Variants in WWOX observed in about 807,000 individuals in gnomAD.
WWOX encodes WW domain containing oxidoreductase.
Under a neutral mutation model 46.2 loss-of-function variants are expected in WWOX, and 69 were observed. The observed-to-expected ratio is 1.49, with a 90% CI of 1.23 to 1.82. The LOEUF is 1.82. Among genes scored for constraint, WWOX ranks in the 40% most tolerant of loss-of-function variants. The probability of loss-of-function intolerance (pLI) is 0.00; values close to 1 mark genes in which losing one functional copy is unlikely to be tolerated. For missense variants in WWOX, 919 were observed against 542.6 expected (o/e 1.69, Z -6.89); for synonymous variants, 359 against 202.6 (o/e 1.77, Z -6.56).
At chr16:78,749,212 A>G (rs1308741763) in intron 8 of WWOX, among the ~76,000 whole-genome samples, 1 of 152,168 alleles carries the variant, frequency 6.6e-6, no homozygotes, top group Non-Finnish European at 1.5e-5. Context: ...CATCACACAC[A>G]GACTACTGTT....
intron 8 of WWOX, among the ~76,000 whole-genome samples, chr16:78,885,415 T>G (rs1354897174): frequency 6.6e-6 from 1 of 152,242 alleles, no homozygotes; most frequent in Non-Finnish European, 1.5e-5. Flanking sequence ...TTAATATTGA[T>G]TTGTTAGAAA....
chr16:78,444,722 A>G (rs1416960192), intron 8 of WWOX, among the ~76,000 whole-genome samples: 4 of 151,724 alleles, frequency 2.6e-5, no homozygotes, highest in African/African-American at 4.8e-5. Context: ...AGTAGAGACG[A>G]GGTTTCACGG....
intron 8 of WWOX, among the ~76,000 whole-genome samples, chr16:79,015,685 C>G (rs1462997388): frequency 6.6e-6 from 1 of 152,158 alleles, no homozygotes; most frequent in Admixed American, 6.5e-5. Context: ...TTTTCTCCTT[C>G]TCTTATTAGT....
At chr16:78,113,239 A>C (rs2032595273) in intron 3 of WWOX, among the ~76,000 whole-genome samples, 1 of 152,164 alleles carries the variant, frequency 6.6e-6, no homozygotes, top group Non-Finnish European at 1.5e-5. Flanking sequence ...TGGGGCTTGC[A>C]ATCTGCGCTC....
At chr16:78,643,060 T>G (rs182637322) in intron 8 of WWOX, among the ~76,000 whole-genome samples, 31 of 152,276 alleles carry the variant, frequency 2.0e-4, no homozygotes, top group African/African-American at 6.0e-4. Context: ...CTGCTGCTGT[T>G]AACCCCAACT....
At chr16:78,326,501 C>T (rs1326401336) in intron 5 of WWOX, among the ~76,000 whole-genome samples, 4 of 147,200 alleles carry the variant, frequency 2.7e-5, no homozygotes, top group Admixed American at 6.8e-5. Flanking sequence ...AAAATGCCAG[C>T]ATCACTGTTA....
intron 8 of WWOX, among the ~76,000 whole-genome samples, chr16:79,128,738 T>C: frequency 6.6e-6 from 1 of 152,174 alleles, no homozygotes; most frequent in Non-Finnish European, 1.5e-5. Flanking sequence ...AAAAGTGCAT[T>C]TGTAAGCCAG....
At chr16:78,617,344 G>A (rs1474504606) in intron 8 of WWOX, among the ~76,000 whole-genome samples, 1 of 150,974 alleles carries the variant, frequency 6.6e-6, no homozygotes, top group African/African-American at 2.4e-5. Context: ...AGAGGTTGCA[G>A]TGAGCCGACA....
chr16:78,816,112 A>G (rs2051323385), intron 8 of WWOX, among the ~76,000 whole-genome samples: 2 of 151,942 alleles, frequency 1.3e-5, no homozygotes, highest in Admixed American at 6.6e-5. Context: ...GTGAATAAAT[A>G]CTCCCCAAAA....
At chr16:79,114,772 G>C (rs1842455562) in intron 8 of WWOX, among the ~76,000 whole-genome samples, 2 of 152,158 alleles carry the variant, frequency 1.3e-5, no homozygotes, top group Admixed American at 6.5e-5. Context: ...CTTTAGCCAA[G>C]TAAACCAGCT....
chr16:78,128,365 GC>G (rs139376270), intron 4 of WWOX, among the ~76,000 whole-genome samples: 3,055 of 152,272 alleles, frequency 0.02, 118 homozygotes, highest in African/African-American at 0.07. Context: ...TCTGACTCTA[GC>G]CAGATATTCA....
intron 8 of WWOX, among the ~76,000 whole-genome samples, chr16:78,664,852 G>A (rs2047294588): frequency 6.6e-6 from 1 of 152,204 alleles, no homozygotes; most frequent in Admixed American, 6.5e-5. Flanking sequence ...AATTCTAAAT[G>A]TGTGCATGTG....
intron 8 of WWOX, among the ~76,000 whole-genome samples, chr16:78,617,229 C>G (rs927480462): frequency 6.6e-6 from 1 of 151,888 alleles, no homozygotes; most frequent in African/African-American, 2.4e-5. Context: ...CTGGGCAACA[C>G]GGTGAAACTA....
rs74435778 is a variant in WWOX, at chr16:79,106,984, T to C, written c.1057-104624T>C. 7.8e-3 allele frequency among the ~76,000 whole-genome samples: 1,186 copies of C among 152,030 alleles called. 19 individuals carry two copies. Among genetic ancestry groups the C allele is most frequent in the African/African-American group, 0.027 (1,119 of 41,470 alleles). On this transcript the variant is annotated intron_variant, in intron 8 of 8. Coordinates refer to ENST00000566780, the MANE Select transcript of WWOX (RefSeq NM_016373.4). ...CGCAACCATGTCCCACGAATTTTTG[T>C]ATTGTTAGTAGAGTTGGGGTTTCAC...
chr16:78,611,144 G>A (rs150463601), intron 8 of WWOX, among the ~76,000 whole-genome samples: 77 of 152,224 alleles, frequency 5.1e-4, no homozygotes, highest in African/African-American at 1.8e-3. Flanking sequence ...TTAGAGATTT[G>A]CTTATTGAAA....
chr16:78,879,766 A>G (rs111956452), intron 8 of WWOX, among the ~76,000 whole-genome samples: 5 of 152,070 alleles, frequency 3.3e-5, no homozygotes, highest in African/African-American at 1.2e-4. Flanking sequence ...AATCCCAGCT[A>G]CTTGGGAGGC....
chr16:78,220,527 A>T (rs2036854713), intron 5 of WWOX, among the ~76,000 whole-genome samples: 2 of 152,158 alleles, frequency 1.3e-5, no homozygotes, highest in Non-Finnish European at 2.9e-5. Context: ...TGAAAATCAA[A>T]GCTTTCTGTT....
At chr16:78,836,972 CAG>C (rs1214215684) in intron 8 of WWOX, among the ~76,000 whole-genome samples, 1 of 152,010 alleles carries the variant, frequency 6.6e-6, no homozygotes, top group Non-Finnish European at 1.5e-5. Flanking sequence ...AAGAGAGAAA[CAG>C]GGAGAGTGGA....
At chr16:78,825,308 A>T (rs954040993) in intron 8 of WWOX, 1 of 301,822 alleles carries the variant, frequency 3.3e-6, no homozygotes, top group African/African-American at 2.2e-5. Flanking sequence ...CAAGAAGAGG[A>T]TGTTGGTCGC....
Sources: gnomAD v4.1 joint callset for allele counts (sites outside exome capture counted in the v4.1 genomes callset) on GRCh38, gnomAD v4.1.1 for gene constraint, MANE v1.5 for transcripts, NCBI Gene and HGNC (gene_info 2026-07-23, HGNC 2026-07-21) for gene names.